Variants in DCPH1 observed in about 807,000 individuals in gnomAD.
DCPH1 encodes the protein damage control phosphatase 1, also known as damage-control phosphatase 1.
chr6:151,454,493 C>T, the DCPH1 span: 4 of 818,012 alleles, frequency 4.9e-6, no homozygotes, highest in Non-Finnish European at 2.1e-6. Context: ...AAAAGATAGC[C>T]AGTCTTCTAG....
At chr6:151,452,735 TC>T in the DCPH1 span, 5 of 772,220 alleles carry the variant, frequency 6.5e-6, no homozygotes, top group South Asian at 5.6e-5. Context: ...TTTGCGGGTT[TC>T]GCGGACTGGC....
At chr6:151,468,315 T>G in the DCPH1 span, 1 of 1,481,544 alleles carries the variant, frequency 6.7e-7, no homozygotes, top group Non-Finnish European at 9.0e-7. Flanking sequence ...AGAAGAAGGG[T>G]GAATATTTTG....
At chr6:151,452,839 C>T in the DCPH1 span, 2 of 434,186 alleles carry the variant, frequency 4.6e-6, no homozygotes, top group South Asian at 9.1e-5. Flanking sequence ...CGGTCTGTTC[C>T]TGGCGGTCAC....
chr6:151,455,881 T>G, the DCPH1 span, among the ~76,000 whole-genome samples: 1 of 152,288 alleles, frequency 6.6e-6, no homozygotes. Flanking sequence ...CCTGCGGCCT[T>G]CCGGCCTTCC....
chr6:151,466,293 TAA>T, the DCPH1 span, among the ~76,000 whole-genome samples: 30 of 147,678 alleles, frequency 2.0e-4, no homozygotes, highest in Non-Finnish European at 3.6e-4. Flanking sequence ...GCCTTGGAAT[TAA>T]AAAAAAAAAG....
At chr6:151,460,591 C>T in the DCPH1 span, among the ~76,000 whole-genome samples, 1 of 151,664 alleles carries the variant, frequency 6.6e-6, no homozygotes, top group African/African-American at 2.4e-5. Context: ...CGAGACCATC[C>T]TGGCCAACAT....
At chr6:151,456,883 C>A in the DCPH1 span, among the ~76,000 whole-genome samples, 1 of 152,176 alleles carries the variant, frequency 6.6e-6, no homozygotes, top group Non-Finnish European at 1.5e-5. Context: ...TAATGAAGTC[C>A]TAGTATATTG....
chr6:151,458,553 C>A, the DCPH1 span: 33 of 1,610,118 alleles, frequency 2.0e-5, 1 homozygote, highest in Admixed American at 2.2e-4. Flanking sequence ...TCGAAGAATT[C>A]ATGAAGCAAT....
At chr6:151,466,207 C>T in the DCPH1 span, among the ~76,000 whole-genome samples, 1 of 152,312 alleles carries the variant, frequency 6.6e-6, no homozygotes, top group East Asian at 1.9e-4. Context: ...GCATGAGCCA[C>T]CTTGCCTGGC....
At chr6:151,458,155 T>G in the DCPH1 span, among the ~76,000 whole-genome samples, 1 of 152,230 alleles carries the variant, frequency 6.6e-6, no homozygotes, top group African/African-American at 2.4e-5. Context: ...TCATATGAGA[T>G]CTGTGTGTGT....
the DCPH1 span, chr6:151,469,102 C>T: frequency 6.2e-7 from 1 of 1,607,342 alleles, no homozygotes; most frequent in South Asian, 1.1e-5. Flanking sequence ...GTACGATGGT[C>T]CCCTTTGACT....
At chr6:151,459,724 G>T in the DCPH1 span, among the ~76,000 whole-genome samples, 1 of 152,154 alleles carries the variant, frequency 6.6e-6, no homozygotes, top group African/African-American at 2.4e-5. Context: ...CTGGGAGGCG[G>T]AGGTTCCAGT....
At chr6:151,466,150 C>T in the DCPH1 span, among the ~76,000 whole-genome samples, 6 of 152,306 alleles carry the variant, frequency 3.9e-5, no homozygotes, top group Middle Eastern at 0.014. Context: ...AACTCCTGAC[C>T]TCAGGTGATC....
chr6:151,455,470 G>C, the DCPH1 span, among the ~76,000 whole-genome samples: 142 of 152,314 alleles, frequency 9.3e-4, no homozygotes, highest in African/African-American at 3.3e-3. Context: ...ACAAACACGT[G>C]AACAAAGGTC....
the DCPH1 span, chr6:151,452,818 G>A: frequency 0.067 from 33,076 of 491,056 alleles, 1,340 homozygotes; most frequent in Non-Finnish European, 0.088. Context: ...TCAGGACAGG[G>A]GTCAGCTTCG....
the DCPH1 span, chr6:151,458,409 C>T: frequency 1.2e-6 from 2 of 1,613,036 alleles, no homozygotes; most frequent in Non-Finnish European, 1.7e-6. Context: ...ACCATTTATC[C>T]CCTTGGTTGA....
chr6:151,464,783 A>T, the DCPH1 span, among the ~76,000 whole-genome samples: 4 of 152,242 alleles, frequency 2.6e-5, no homozygotes, highest in African/African-American at 9.6e-5. Flanking sequence ...ATGGGTTTGA[A>T]ATATTTTTCT....
chr6:151,468,794 C>T, the DCPH1 span: 1 of 1,614,066 alleles, frequency 6.2e-7, no homozygotes, highest in Non-Finnish European at 8.5e-7. Context: ...ATATTTTGGA[C>T]TCTGCCTCAT....
chr6:151,456,060 G>T, the DCPH1 span, among the ~76,000 whole-genome samples: 2 of 152,188 alleles, frequency 1.3e-5, no homozygotes, highest in Non-Finnish European at 2.9e-5. Context: ...TGGGGGTAAG[G>T]TTATAGATTA....
Sources: gnomAD v4.1 joint callset for allele counts (sites outside exome capture counted in the v4.1 genomes callset) on GRCh38, gnomAD v4.1.1 for gene constraint, MANE v1.5 for transcripts, NCBI Gene and HGNC (gene_info 2026-07-23, HGNC 2026-07-21) for gene names.